Variants in SLC25A18 observed in about 807,000 individuals in gnomAD.
SLC25A18 encodes the protein solute carrier family 25 member 18.
In SLC25A18, 24 loss-of-function variants were observed where a neutral mutation model predicts 31.1. The ratio of observed to expected loss-of-function variants is 0.77; its 90% CI spans 0.56 to 1.08. The LOEUF (loss-of-function observed/expected upper bound fraction) is 1.08. Among genes scored for constraint, SLC25A18 ranks in the 50% least tolerant of loss-of-function variants. The probability of loss-of-function intolerance (pLI) is 0.00; values close to 1 mark genes in which losing one functional copy is unlikely to be tolerated. For synonymous variants in SLC25A18, 173 were observed against 161.9 expected (o/e 1.07, Z -0.52); for missense variants, 371 against 418.5 (o/e 0.89, Z 0.99).
At chr22:17,574,822 A>G (rs1027322051) in intron 2 of SLC25A18, among the ~76,000 whole-genome samples, 3 of 79,482 alleles carry the variant, frequency 3.8e-5, no homozygotes, top group Admixed American at 2.8e-4. Context: ...TGCCTGGCCA[A>G]TGTTCCCTTT....
At chr22:17,583,645 A>G (rs1357291856) in intron 7 of SLC25A18, 111 bp downstream of exon 7, 8 of 1,435,896 alleles carry the variant, frequency 5.6e-6, no homozygotes, top group Non-Finnish European at 7.4e-6. Context: ...CAACTTTCCA[A>G]GCAGGTAGAA....
intron 7 of SLC25A18, among the ~76,000 whole-genome samples, chr22:17,584,446 G>GGAAAGAGAGAGA (rs1205165235): frequency 8.6e-6 from 1 of 116,822 alleles, no homozygotes; most frequent in African/African-American, 3.4e-5. Context: ...AAGGAAGGAA[G>GGAAAGAGAGAGA]GAGAGAGAGA....
intron 1 of SLC25A18, among the ~76,000 whole-genome samples, chr22:17,568,435 A>G (rs939652515): frequency 7.2e-5 from 11 of 151,932 alleles, no homozygotes; most frequent in African/African-American, 2.7e-4. Context: ...CGAGAAAGGT[A>G]AAAACACCTT....
rs73391454 is a variant in SLC25A18 at position 17,576,794 on chromosome 22, C to T, written c.-200-2951C>T. 4.5e-3 allele frequency among the ~76,000 whole-genome samples: 685 copies of T among 152,286 alleles called. 2 individuals are homozygous for T. Among genetic ancestry groups the T allele is most frequent in the African/African-American group, 7.2e-3 (298 of 41,548 alleles). ...GCTCACCCTCCAGCCAAGTGCTCTC[C>T]GTGGGTGGAAACATTATCACATCTG... On this transcript the variant is annotated intron_variant, in intron 2 of 10. Coordinates refer to ENST00000327451, the MANE Select transcript of SLC25A18 (RefSeq NM_031481.3).
intron 2 of SLC25A18, among the ~76,000 whole-genome samples, chr22:17,577,978 C>T (rs1204640502): frequency 3.0e-5 from 4 of 133,658 alleles, no homozygotes; most frequent in African/African-American, 9.7e-5. Flanking sequence ...CGCCCTGCTT[C>T]TTTTTTTTTT....
At chr22:17,565,479 TC>T in intron 1 of SLC25A18, among the ~76,000 whole-genome samples, 1 of 152,164 alleles carries the variant, frequency 6.6e-6, no homozygotes, top group Admixed American at 6.6e-5. Context: ...GCTCAAATGA[TC>T]CTCCTTCCTC....
intron 2 of SLC25A18, among the ~76,000 whole-genome samples, chr22:17,572,050 G>A (rs1569178506): frequency 1.3e-5 from 2 of 151,124 alleles, no homozygotes; most frequent in Non-Finnish European, 2.9e-5. Flanking sequence ...TGCCAGGTGT[G>A]GTGGTGCGTG....
chr22:17,567,952 G>A (rs931949374), intron 1 of SLC25A18, among the ~76,000 whole-genome samples: 54 of 151,996 alleles, frequency 3.6e-4, no homozygotes, highest in East Asian at 9.7e-4. Flanking sequence ...AGACAGGGTC[G>A]TTTATAACCT....
In SLC25A18 at chr22:17,569,573, T is replaced by A. The variant is rs931390117; in HGVS notation, c.-263-351T>A. The A allele has an allele frequency of 1.8e-5, 18 of 978,454 alleles. No individual in the cohort carries two copies. The South Asian group carries it at 2.4e-4, about 13-fold the overall frequency. 60.6% of individuals were successfully genotyped at this position (978,454 alleles called of 1,614,324 possible). ...AAAAGTGTTTGCGTTGCATTGATTT[T>A]CAGTGTTTGTCCTCCTCCCTGGCTT... On this transcript the variant is annotated intron_variant, in intron 1 of 10. Transcript: ENST00000327451.
At chr22:17,580,695 G>T in intron 3 of SLC25A18, 1 of 1,065,458 alleles carries the variant, frequency 9.4e-7, no homozygotes, top group Non-Finnish European at 1.1e-6. Flanking sequence ...AACTGCACAC[G>T]TGGCTCCAGG....
Position 17,583,454 on chromosome 22 carries a change from G to A in SLC25A18, c.329G>A (p.Cys110Tyr). 1 of 1,614,144 alleles carries A rather than the reference G, an allele frequency of 6.2e-7. No individual in the cohort carries two copies. The highest frequency in any genetic ancestry group is 1.1e-5 in the South Asian group (1 of 91,088). Residue 110 changes from cysteine (C) to tyrosine (Y), a missense_variant, in exon 7 of 11, where the codon TGT (cysteine) becomes TAT (tyrosine). Transcript: ENST00000327451. ...RNLKMEMLAG[C>Y]GAGMCQVVVT... ...CTGAAGATGGAGATGCTTGCCGGGT[G>A]TGGGGCTGGGATGTGCCAGGTCGTG...
At chr22:17,566,542 A>G (rs1328721459) in intron 1 of SLC25A18, among the ~76,000 whole-genome samples, 2 of 151,874 alleles carry the variant, frequency 1.3e-5, no homozygotes, top group African/African-American at 4.8e-5. Context: ...CCTTCCAAAT[A>G]GCTGGGATTA....
intron 5 of SLC25A18, chr22:17,582,353 G>A: frequency 2.5e-6 from 1 of 407,612 alleles, no homozygotes; most frequent in Non-Finnish European, 4.4e-6. Flanking sequence ...TCCAGCCTGG[G>A]CGACAGAGCG....
At chr22:17,584,426 G>A (rs12166899) in intron 7 of SLC25A18, among the ~76,000 whole-genome samples, 2,865 of 95,530 alleles carry the variant, frequency 0.03, 132 homozygotes, top group African/African-American at 0.11. Context: ...AAAGAAAGAA[G>A]GAAGGAAGGA....
intron 1 of SLC25A18, among the ~76,000 whole-genome samples, chr22:17,564,557 A>G (rs174360): frequency 1.3e-5 from 2 of 151,336 alleles, no homozygotes; most frequent in Non-Finnish European, 2.9e-5. Flanking sequence ...AGTAAAAAAA[A>G]TTTTTAGAAA....
intron 2 of SLC25A18, among the ~76,000 whole-genome samples, chr22:17,572,233 C>T (rs2057109070): frequency 6.6e-6 from 1 of 151,882 alleles, no homozygotes; most frequent in Admixed American, 6.6e-5. Flanking sequence ...CCTGTAATCC[C>T]AGCACTTTGG....
At chr22:17,569,209 C>T (rs1444210967) in intron 1 of SLC25A18, among the ~76,000 whole-genome samples, 2 of 151,928 alleles carry the variant, frequency 1.3e-5, no homozygotes, top group African/African-American at 4.8e-5. Context: ...GGGGTTTTAC[C>T]ATGTTAGCCA....
intron 5 of SLC25A18, 105 bp from the exon 6 acceptor site, chr22:17,582,458 A>C: frequency 1.2e-6 from 1 of 850,256 alleles, no homozygotes; most frequent in South Asian, 2.0e-5. Flanking sequence ...TGGCCCCAAA[A>C]ATGCCCTTCA....
intron 6 of SLC25A18, 124 bp from the exon 7 acceptor site, chr22:17,583,292 G>C (rs2057431203): frequency 8.2e-7 from 1 of 1,216,150 alleles, no homozygotes; most frequent in African/African-American, 1.5e-5. Context: ...CTGATGACTT[G>C]ACCAGCTGGG....
Sources: gnomAD v4.1 joint callset for allele counts (sites outside exome capture counted in the v4.1 genomes callset) on GRCh38, gnomAD v4.1.1 for gene constraint, MANE v1.5 for transcripts, NCBI Gene and HGNC (gene_info 2026-07-23, HGNC 2026-07-21) for gene names.